RAB4B: variants seen among roughly 807,000 people sequenced by gnomAD.
RAB4B encodes RAB4B, member RAS oncogene family.
A neutral mutation model predicts 28.3 loss-of-function variants in RAB4B; 15 were observed. That is an observed-to-expected ratio of 0.53 (90% CI 0.35 to 0.82). The LOEUF is 0.82. RAB4B is among the 40% of genes least tolerant of loss of function. The pLI is 0.01. For missense variants in RAB4B, 244 were observed against 288.5 expected, an observed-to-expected ratio of 0.85 and a Z score of 1.12; for synonymous variants, 108 against 116.3, an observed-to-expected ratio of 0.93 and a Z score of 0.46.
chr19:40,792,356 A>G (rs2083166965), intron 7 of RAB4B: 1 of 152,232 alleles, frequency 6.6e-6, no homozygotes, highest in Admixed American at 6.5e-5. Context: ...GATGGTCAAG[A>G]CTTGATCGAT....
At chr19:40,792,757 T>G (rs1272784530) in intron 7 of RAB4B, among the ~76,000 whole-genome samples, 3 of 152,222 alleles carry the variant, frequency 2.0e-5, no homozygotes, top group African/African-American at 7.2e-5. Flanking sequence ...CACTTCTGTG[T>G]TGTTCCAGAA....
Position 40,778,365 on chromosome 19 carries a change from G to A in RAB4B, c.-11G>A. ...CGCCATATTGCGGCCCTCAGCGGCC[G>A]CGACCGAGTCATGGCTGAGACCTAC... On this transcript the variant is annotated 5_prime_UTR_variant, in exon 1 of 8. Coordinates refer to ENST00000357052, the MANE Select transcript of RAB4B (RefSeq NM_016154.5). The A allele has an allele frequency of 6.7e-7, 1 of 1,483,740 alleles. No individual in the cohort carries two copies. The highest frequency in any genetic ancestry group is 8.9e-7 in the Non-Finnish European group (1 of 1,125,374). The allele number at this position is 1,483,740 out of a possible 1,614,324, so 91.9% of individuals were successfully genotyped here.
chr19:40,782,612 A>G (rs1469000883), intron 3 of RAB4B, among the ~76,000 whole-genome samples: 1 of 151,598 alleles, frequency 6.6e-6, no homozygotes, highest in East Asian at 1.9e-4. Flanking sequence ...CAGGAGTTCA[A>G]TACCACACTG....
At chr19:40,784,592 G>T (rs930758000) in intron 5 of RAB4B, among the ~76,000 whole-genome samples, 1 of 152,172 alleles carries the variant, frequency 6.6e-6, no homozygotes, top group Non-Finnish European at 1.5e-5. Flanking sequence ...TGGAAAGTGG[G>T]ATCACAGTGT....
intron 3 of RAB4B, among the ~76,000 whole-genome samples, chr19:40,782,016 G>A (rs1029294594): frequency 3.6e-4 from 30 of 83,914 alleles, no homozygotes; most frequent in African/African-American, 1.4e-3. Context: ...GCTAGGCTCC[G>A]TTTCAAAAAA....
Position 40,778,348 on chromosome 19 carries a change from T to C in RAB4B, c.-28T>C. 1 of 1,489,786 alleles carries C rather than the reference T, an allele frequency of 6.7e-7. No homozygotes were observed. Among genetic ancestry groups the C allele is most frequent in the South Asian group, 1.3e-5 (1 of 77,538 alleles). The allele number at this position is 1,489,786 out of a possible 1,614,324, so 92.3% of individuals were successfully genotyped here. A position where few individuals can be genotyped will look rare whatever the true frequency, so the allele number is the denominator to read the frequency against. On this transcript the variant is annotated 5_prime_UTR_variant, in exon 1 of 8. Coordinates refer to ENST00000357052, the MANE Select transcript of RAB4B (RefSeq NM_016154.5). ...AGCAGGCGCGGCCGCGGCGCCATAT[T>C]GCGGCCCTCAGCGGCCGCGACCGAG...
intron 5 of RAB4B, among the ~76,000 whole-genome samples, chr19:40,784,325 C>G (rs1236470023): frequency 1.3e-5 from 2 of 152,048 alleles, no homozygotes; most frequent in East Asian, 3.9e-4. Context: ...GATCCTATCT[C>G]TATAAAAAAT....
intron 2 of RAB4B, 37 bp downstream of exon 2, chr19:40,780,136 G>T: frequency 1.2e-6 from 2 of 1,610,054 alleles, no homozygotes; most frequent in Non-Finnish European, 8.5e-7. Context: ...ACCCTGAGCT[G>T]TGTTTATGCG....
intron 3 of RAB4B, among the ~76,000 whole-genome samples, chr19:40,783,149 A>C (rs1413867102): frequency 7.8e-6 from 1 of 127,804 alleles, no homozygotes; most frequent in Non-Finnish European, 1.6e-5. Context: ...TTCCTACTCA[A>C]AAAAAAAAAA....
chr19:40,783,168 A>AAG (rs2070612774), intron 3 of RAB4B, among the ~76,000 whole-genome samples: 1 of 136,458 alleles, frequency 7.3e-6, no homozygotes, highest in African/African-American at 2.8e-5. Flanking sequence ...AAAAAAAAAA[A>AAG]AAAAGAAAAA....
Position 40,779,199 on chromosome 19 carries a change from C to T in RAB4B, c.16+808C>T, listed in dbSNP as rs8105594. ...TTAAATAGCTTTCAAGAGACTTTAG[C>T]GACAAAATAGCTAAGATCTGGGACT... On this transcript the variant is annotated intron_variant, in intron 1 of 7. Coordinates refer to ENST00000357052, the MANE Select transcript of RAB4B (RefSeq NM_016154.5). The T allele has an allele frequency of 9.2e-3, 1,751 of 190,976 alleles. 38 individuals are homozygous for T. The highest frequency in any genetic ancestry group is 0.039 in the African/African-American group (1,657 of 42,116). The allele number at this position is 190,976 out of a possible 1,614,324, so 11.8% of individuals were successfully genotyped here.
intron 7 of RAB4B, among the ~76,000 whole-genome samples, chr19:40,795,485 C>T (rs1013952625): frequency 2.6e-5 from 4 of 151,630 alleles, no homozygotes; most frequent in African/African-American, 7.3e-5. Flanking sequence ...CTGCAACCTC[C>T]GCCTCCTGGG....
At chr19:40,781,315 T>C (rs1255719125) in intron 3 of RAB4B, among the ~76,000 whole-genome samples, 1 of 132,638 alleles carries the variant, frequency 7.5e-6, no homozygotes, top group African/African-American at 3.0e-5. Context: ...AATAAATGAA[T>C]AAATAAATAA....
rs1417250266 is a variant in RAB4B, at chr19:40,794,085, A to T, written c.*16-2485A>T. Among the ~76,000 whole-genome samples the T allele has an allele frequency of 2.0e-5, 3 of 150,674 alleles. No individual in the cohort carries two copies. The East Asian group carries it at 5.9e-4, about 30-fold the overall frequency. On this transcript the variant is annotated intron_variant, in intron 7 of 7. Coordinates refer to ENST00000357052, the MANE Select transcript of RAB4B (RefSeq NM_016154.5). ...TATATCTTTTTAAATTATTATTATT[A>T]TTTTTTGAGATGGAGTTTCGCTTAT... is the stretch of plus-strand genomic sequence containing the variant.
intron 2 of RAB4B, 46 bp downstream of exon 2, chr19:40,780,145 C>T (rs369181319): frequency 1.1e-4 from 170 of 1,607,170 alleles, no homozygotes; most frequent in Middle Eastern, 5.0e-4. Context: ...TGTGTTTATG[C>T]GCATGGTGTG....
intron 3 of RAB4B, 85 bp from the exon 4 acceptor site, chr19:40,783,693 G>A (rs1405813314): frequency 6.6e-6 from 9 of 1,354,914 alleles, no homozygotes; most frequent in Non-Finnish European, 8.8e-6. Flanking sequence ...GGGGGCCTCC[G>A]AACCACCAGT....
At chr19:40,779,761 C>T (rs747355479) in intron 1 of RAB4B, 34 of 854,862 alleles carry the variant, frequency 4.0e-5, no homozygotes, top group East Asian at 3.6e-4. Context: ...ACAAAAACAA[C>T]GACAAAAAAA....
intron 5 of RAB4B, chr19:40,786,461 G>A: frequency 2.9e-6 from 2 of 682,318 alleles, no homozygotes; most frequent in Non-Finnish European, 4.7e-6. Context: ...AGGAGGAGCT[G>A]TGTGAGCTGA....
Position 40,786,708 on chromosome 19 carries a change from G to GGC in RAB4B, c.475_476insCG (p.Glu159AlafsTer21), listed in dbSNP as rs758589718. On this transcript the variant is annotated frameshift_variant, in exon 6 of 8. Coordinates refer to ENST00000357052, the MANE Select transcript of RAB4B (RefSeq NM_016154.5). LOFTEE classifies it high-confidence loss of function. ...CCAGCGCTCTCACAGGCGAGAACGT[G>GGC]GAGGAGGCGTTCCTCAAGTGTGCCC... 1 of 1,614,104 alleles carries GGC rather than the reference G, an allele frequency of 6.2e-7. No individual in the cohort carries two copies. The highest frequency in any genetic ancestry group is 8.5e-7 in the Non-Finnish European group (1 of 1,179,982).
Sources: gnomAD v4.1 joint callset for allele counts (sites outside exome capture counted in the v4.1 genomes callset) on GRCh38, gnomAD v4.1.1 for gene constraint, MANE v1.5 for transcripts, NCBI Gene and HGNC (gene_info 2026-07-23, HGNC 2026-07-21) for gene names.